Variants in KCNQ5 observed in about 807,000 individuals in gnomAD.
The protein encoded by KCNQ5 is potassium voltage-gated channel subfamily Q member 5, also known as potassium voltage-gated channel subfamily KQT member 5.
A neutral mutation model predicts 98.2 loss-of-function variants in KCNQ5; 30 were observed. The ratio of observed to expected loss-of-function variants is 0.31; its 90% CI spans 0.23 to 0.41. The LOEUF is 0.41. Among genes scored for constraint, KCNQ5 ranks in the 10% least tolerant of loss-of-function variants. KCNQ5 has a pLI of 1.00. For synonymous variants in KCNQ5, 458 were observed against 449.4 expected, an observed-to-expected ratio of 1.02 and a Z score of -0.24; for missense variants, 835 against 1,182.5, an observed-to-expected ratio of 0.71 and a Z score of 4.31.
intron 11 of KCNQ5, among the ~76,000 whole-genome samples, chr6:73,180,459 A>G (rs1204206078): frequency 6.6e-6 from 1 of 152,182 alleles, no homozygotes; most frequent in Non-Finnish European, 1.5e-5. Context: ...TTCTGATTAG[A>G]GGTCTGACAC....
At chr6:72,635,290 A>G (rs1365206435) in intron 1 of KCNQ5, among the ~76,000 whole-genome samples, 1 of 152,068 alleles carries the variant, frequency 6.6e-6, no homozygotes, top group African/African-American at 2.4e-5. Context: ...TTGGCCTCAC[A>G]AAGTGCTGGG....
chr6:73,117,055 T>A (rs535086500), intron 7 of KCNQ5, among the ~76,000 whole-genome samples: 21 of 152,346 alleles, frequency 1.4e-4, no homozygotes, highest in Middle Eastern at 3.4e-3. Context: ...ACCTGATAAA[T>A]GGCAAAGTTG....
At chr6:72,754,412 G>T (rs1212918523) in intron 1 of KCNQ5, among the ~76,000 whole-genome samples, 4 of 151,980 alleles carry the variant, frequency 2.6e-5, no homozygotes, top group Non-Finnish European at 4.4e-5. Context: ...CTAAAGTTTT[G>T]TTGTGGTTTG....
chr6:72,654,953 T>C (rs1324328877), intron 1 of KCNQ5, among the ~76,000 whole-genome samples: 2 of 152,114 alleles, frequency 1.3e-5, no homozygotes, highest in Non-Finnish European at 2.9e-5. Context: ...CAACATGTAG[T>C]AAACCAGACA....
intron 1 of KCNQ5, among the ~76,000 whole-genome samples, chr6:72,873,054 C>G (rs183007601): frequency 2.2e-4 from 33 of 152,176 alleles, no homozygotes; most frequent in Admixed American, 5.9e-4. Context: ...ATTTTATACA[C>G]TTAGAGAATC....
intron 3 of KCNQ5, among the ~76,000 whole-genome samples, chr6:73,063,729 A>AGATAGAT (rs1562156365): frequency 3.3e-4 from 37 of 110,604 alleles, no homozygotes; most frequent in East Asian, 9.2e-4. Context: ...GATGATAGAT[A>AGATAGAT]GATAGATAGA....
intron 3 of KCNQ5, among the ~76,000 whole-genome samples, chr6:73,071,867 G>A (rs901786585): frequency 5.9e-5 from 9 of 152,064 alleles, no homozygotes; most frequent in African/African-American, 2.2e-4. Flanking sequence ...TATAGCATAA[G>A]TAATTGGTTA....
intron 1 of KCNQ5, among the ~76,000 whole-genome samples, chr6:72,838,048 A>G (rs749961331): frequency 1.1e-4 from 16 of 150,770 alleles, no homozygotes; most frequent in Non-Finnish European, 1.9e-4. Flanking sequence ...GGTGTGCTGC[A>G]CCCACTAACT....
At chr6:73,146,958 T>C (rs550453343) in intron 10 of KCNQ5, among the ~76,000 whole-genome samples, 1 of 152,312 alleles carries the variant, frequency 6.6e-6, no homozygotes, top group African/African-American at 2.4e-5. Flanking sequence ...TTTTATGTCT[T>C]TGTTTTCTAT....
At chr6:73,067,919 A>G (rs1169227412) in intron 3 of KCNQ5, among the ~76,000 whole-genome samples, 1 of 149,812 alleles carries the variant, frequency 6.7e-6, no homozygotes, top group East Asian at 2.0e-4. Context: ...TAAAATTTGT[A>G]TGGAATCTTA....
At chr6:72,977,151 C>T (rs1028241325) in intron 1 of KCNQ5, among the ~76,000 whole-genome samples, 9 of 152,118 alleles carry the variant, frequency 5.9e-5, no homozygotes, top group African/African-American at 1.9e-4. Context: ...TGTTAAAACA[C>T]AGATTCTCAT....
chr6:73,008,619 C>G (rs1769923790), intron 2 of KCNQ5, among the ~76,000 whole-genome samples: 1 of 151,964 alleles, frequency 6.6e-6, no homozygotes, highest in Non-Finnish European at 1.5e-5. Flanking sequence ...TGAAGCAAAA[C>G]TGACAAAATT....
At chr6:72,948,586 A>C (rs983731904) in intron 1 of KCNQ5, among the ~76,000 whole-genome samples, 3 of 152,026 alleles carry the variant, frequency 2.0e-5, no homozygotes, top group Non-Finnish European at 2.9e-5. Context: ...ATTTTATAGT[A>C]TTTTTCTATA....
intron 10 of KCNQ5, 131 bp downstream of exon 10, chr6:73,133,772 G>A: frequency 1.1e-6 from 1 of 897,888 alleles, no homozygotes; most frequent in Non-Finnish European, 1.7e-6. Context: ...TTGTTTGTTT[G>A]TTTTATTGGA....
chr6:72,831,647 G>T (rs960540900), intron 1 of KCNQ5, among the ~76,000 whole-genome samples: 1 of 151,652 alleles, frequency 6.6e-6, no homozygotes, highest in African/African-American at 2.4e-5. Context: ...GTTAGTGGGT[G>T]CAGCACACCA....
intron 1 of KCNQ5, among the ~76,000 whole-genome samples, chr6:72,795,343 G>A (rs1774272438): frequency 6.6e-6 from 1 of 152,130 alleles, no homozygotes; most frequent in Admixed American, 6.6e-5. Flanking sequence ...CACAGGAGAT[G>A]AGATTCTATA....
chr6:73,040,345 G>T (rs1771633993), intron 2 of KCNQ5, among the ~76,000 whole-genome samples: 2 of 152,200 alleles, frequency 1.3e-5, no homozygotes, highest in Non-Finnish European at 2.9e-5. Flanking sequence ...TAGGGGCAGG[G>T]ATTAAAAAGT....
intron 2 of KCNQ5, among the ~76,000 whole-genome samples, chr6:73,033,577 C>T (rs1771246288): frequency 6.6e-6 from 1 of 152,154 alleles, no homozygotes; most frequent in African/African-American, 2.4e-5. Context: ...CTACCTAAGC[C>T]TTCCAATCAA....
chr6:72,895,683 T>C (rs1779225296), intron 1 of KCNQ5, among the ~76,000 whole-genome samples: 1 of 148,886 alleles, frequency 6.7e-6, no homozygotes, highest in Non-Finnish European at 1.5e-5. Context: ...CAACATATAT[T>C]ATATATATAT....
Sources: gnomAD v4.1 joint callset for allele counts (sites outside exome capture counted in the v4.1 genomes callset) on GRCh38, gnomAD v4.1.1 for gene constraint, MANE v1.5 for transcripts, NCBI Gene and HGNC (gene_info 2026-07-23, HGNC 2026-07-21) for gene names.